Variants in KCNH7 observed in about 807,000 individuals in gnomAD.
The protein encoded by KCNH7 is potassium voltage-gated channel subfamily H member 7.
Under a neutral mutation model 120.8 loss-of-function variants are expected in KCNH7, and 49 were observed. The observed-to-expected ratio is 0.41, with a 90% CI of 0.32 to 0.51. The LOEUF (loss-of-function observed/expected upper bound fraction) is 0.51, where lower values mean the gene tolerates loss of function less well. Among genes scored for constraint, KCNH7 ranks in the 20% least tolerant of loss-of-function variants. KCNH7 has a pLI of 0.38. For missense variants in KCNH7, 1,097 were observed against 1,446.6 expected (o/e 0.76, Z 3.92); for synonymous variants, 547 against 516.1 (o/e 1.06, Z -0.81).
chr2:162,734,871 G>A (rs1428277841), intron 2 of KCNH7, among the ~76,000 whole-genome samples: 1 of 152,118 alleles, frequency 6.6e-6, no homozygotes, highest in African/African-American at 2.4e-5. Flanking sequence ...GGAGAGAGTG[G>A]TGTTAAAGGA....
chr2:162,715,958 G>A (rs1687105666), intron 2 of KCNH7, among the ~76,000 whole-genome samples: 2 of 148,152 alleles, frequency 1.3e-5, no homozygotes, highest in Admixed American at 1.3e-4. Context: ...GTGTGTGTGT[G>A]TGTGTGTGTG....
In KCNH7 at chr2:162,732,854, A is replaced by G. The variant is rs540830829; in HGVS notation, c.307+103683T>C. On this transcript the variant is annotated intron_variant, in intron 2 of 15. Coordinates refer to ENST00000332142, the MANE Select transcript of KCNH7 (RefSeq NM_033272.4). The stretch of plus-strand genomic sequence containing the variant: ...GGGTATCTCTTTCTACACCTCCATC[A>G]TTATTCAGAAACTGTGGTCAGTGAG... Among the ~76,000 whole-genome samples, 119 of 152,298 alleles carry G rather than the reference A, an allele frequency of 7.8e-4. 1 individual carries two copies. The highest frequency in any genetic ancestry group is 2.4e-3 in the African/African-American group (101 of 41,572).
At chr2:162,388,564 TAAC>T (rs1459541318) in intron 12 of KCNH7, among the ~76,000 whole-genome samples, 2 of 151,850 alleles carry the variant, frequency 1.3e-5, no homozygotes, top group African/African-American at 4.8e-5. Flanking sequence ...CTAAAATGGA[TAAC>T]AAAAAGCTAA....
At chr2:162,379,477 A>C (rs1309432513) in intron 14 of KCNH7, among the ~76,000 whole-genome samples, 3 of 152,156 alleles carry the variant, frequency 2.0e-5, no homozygotes, top group African/African-American at 7.2e-5. Context: ...ATGCCCTAAC[A>C]CATAGCTATG....
At chr2:162,682,607 G>C (rs369589490) in intron 2 of KCNH7, among the ~76,000 whole-genome samples, 22 of 151,774 alleles carry the variant, frequency 1.4e-4, no homozygotes, top group African/African-American at 5.1e-4. Context: ...ATAAAATACC[G>C]AAAGAATGTC....
intron 2 of KCNH7, among the ~76,000 whole-genome samples, chr2:162,685,958 C>T (rs1321535531): frequency 6.6e-6 from 1 of 152,038 alleles, no homozygotes; most frequent in Non-Finnish European, 1.5e-5. Context: ...ATAGATATCT[C>T]ACCCTAAAAC....
chr2:162,389,058 C>G (rs1045331522), intron 12 of KCNH7, among the ~76,000 whole-genome samples: 1 of 152,010 alleles, frequency 6.6e-6, no homozygotes, highest in Non-Finnish European at 1.5e-5. Flanking sequence ...AATCTTTCAC[C>G]TTGATTTCCA....
chr2:162,391,614 T>C (rs1397065345), intron 12 of KCNH7, among the ~76,000 whole-genome samples: 1 of 152,058 alleles, frequency 6.6e-6, no homozygotes, highest in Non-Finnish European at 1.5e-5. Flanking sequence ...ATTAAAGGCA[T>C]AGTATTCAAA....
At chr2:162,474,900 A>G (rs1689683075) in intron 6 of KCNH7, among the ~76,000 whole-genome samples, 1 of 152,226 alleles carries the variant, frequency 6.6e-6, no homozygotes, top group East Asian at 1.9e-4. Flanking sequence ...GGAGGAAACC[A>G]GCTGCCATGA....
intron 2 of KCNH7, among the ~76,000 whole-genome samples, chr2:162,581,933 G>A (rs1331331495): frequency 6.6e-6 from 1 of 152,032 alleles, no homozygotes; most frequent in African/African-American, 2.4e-5. Flanking sequence ...AGGATAAACT[G>A]CTGAGTTGCA....
chr2:162,748,225 G>A (rs965471759), intron 2 of KCNH7, among the ~76,000 whole-genome samples: 8 of 152,128 alleles, frequency 5.3e-5, no homozygotes, highest in Non-Finnish European at 8.8e-5. Flanking sequence ...AGAACTCTTT[G>A]TACCATAGGG....
At chr2:162,735,809 AC>A (rs1687885473) in intron 2 of KCNH7, among the ~76,000 whole-genome samples, 1 of 152,176 alleles carries the variant, frequency 6.6e-6, no homozygotes. Context: ...TTATTACAAT[AC>A]TTGCTGTTCT....
At chr2:162,412,225 G>A (rs189355082) in intron 9 of KCNH7, among the ~76,000 whole-genome samples, 1 of 151,882 alleles carries the variant, frequency 6.6e-6, no homozygotes, top group Admixed American at 6.6e-5. Flanking sequence ...GACTCACTAT[G>A]CTATATAAAA....
chr2:162,423,191 A>G lies in KCNH7; in HGVS notation c.2154+145T>C, dbSNP rs1466008014. ...TGCAATGCCATGAATTGAGAATGAG[A>G]GACTATCTCCAGGGGAGAAAATACA... On this transcript the variant is annotated intron_variant, in intron 9 of 15. Coordinates refer to ENST00000332142, the MANE Select transcript of KCNH7 (RefSeq NM_033272.4). The G allele has an allele frequency of 3.9e-6, 6 of 1,521,600 alleles. No individual in the cohort carries two copies. The Admixed American group carries it at 5.6e-5, about 14-fold the overall frequency. The allele number at this position is 1,521,600 out of a possible 1,614,324, so 94.3% of individuals were successfully genotyped here.
rs537010716 is a variant in KCNH7, at chr2:162,452,780, A to C, written c.1129-6337T>G. Among the ~76,000 whole-genome samples the C allele has an allele frequency of 3.5e-3, 539 of 152,228 alleles. 9 individuals are homozygous for C. Among genetic ancestry groups the C allele is most frequent in the African/African-American group, 0.012 (503 of 41,550 alleles). On this transcript the variant is annotated intron_variant, in intron 6 of 15. Transcript: ENST00000332142. Reference sequence around the variant, plus strand: ...GCTTTCATTCTGGATTGAATATATAAGAAGTATATTTTTGCATTTTTCTCA... The same window carrying C: ...GCTTTCATTCTGGATTGAATATATACGAAGTATATTTTTGCATTTTTCTCA...
chr2:162,560,588 C>T (rs1166071109), intron 2 of KCNH7, among the ~76,000 whole-genome samples: 1 of 152,124 alleles, frequency 6.6e-6, no homozygotes, highest in Non-Finnish European at 1.5e-5. Flanking sequence ...AGGCTATGTG[C>T]AATAGTCAAG....
chr2:162,725,496 G>A (rs1687480644), intron 2 of KCNH7, among the ~76,000 whole-genome samples: 1 of 152,096 alleles, frequency 6.6e-6, no homozygotes, highest in Admixed American at 6.5e-5. Flanking sequence ...CAACTTTCAT[G>A]CAGTCTTTTT....
At chr2:162,728,758 A>G (rs769017428) in intron 2 of KCNH7, among the ~76,000 whole-genome samples, 1 of 152,218 alleles carries the variant, frequency 6.6e-6, no homozygotes, top group Non-Finnish European at 1.5e-5. Flanking sequence ...AGCCTGGGCA[A>G]CAAGAGTGAA....
intron 2 of KCNH7, among the ~76,000 whole-genome samples, chr2:162,820,033 CTTTTT>C (rs66809770): frequency 2.6e-5 from 2 of 77,040 alleles, no homozygotes; most frequent in African/African-American, 1.0e-4. Context: ...ATTCCATAAA[CTTTTT>C]TTTTTTTTTT....
Sources: allele counts gnomAD v4.1 joint callset (sites outside exome capture counted in the v4.1 genomes callset), GRCh38; gene constraint gnomAD v4.1.1; transcripts MANE v1.5; gene names NCBI Gene and HGNC (gene_info 2026-07-23, HGNC 2026-07-21).